TTC6: variants seen among roughly 807,000 people sequenced by gnomAD.
TTC6 encodes the protein tetratricopeptide repeat domain 6.
TTC6 carries 172 observed loss-of-function variants against 210.4 expected under a neutral mutation model. The observed-to-expected ratio is 0.82, with a 90% CI of 0.72 to 0.93. The LOEUF is 0.93. Ranked by LOEUF, TTC6 falls within the 40% of genes least tolerant of loss-of-function variation. The pLI is 0.00. For missense variants in TTC6, 2,414 were observed against 2,318.1 expected, an observed-to-expected ratio of 1.04 and a Z score of -0.85; for synonymous variants, 804 against 819.6, an observed-to-expected ratio of 0.98 and a Z score of 0.32.
Position 37,648,098 on chromosome 14 carries a change from C to A in TTC6, c.939+25095C>A, listed in dbSNP as rs529649269. Among the ~76,000 whole-genome samples the A allele has an allele frequency of 2.0e-4, 31 of 152,160 alleles. No homozygotes were observed. The South Asian group carries it at 6.4e-3, about 32-fold the overall frequency. On this transcript the variant is annotated intron_variant, in intron 1 of 30. Coordinates refer to ENST00000553443, the Ensembl canonical transcript of TTC6. ...GGGATGCATTTTCTATTTGCATTTTCAAATTGTTTATTACCATATTGGTTT... is the reference window on the plus strand; with the variant it reads ...GGGATGCATTTTCTATTTGCATTTTAAAATTGTTTATTACCATATTGGTTT...
At chr14:37,805,794 A>G (rs2096117279) in intron 21 of TTC6, among the ~76,000 whole-genome samples, 2 of 151,992 alleles carry the variant, frequency 1.3e-5, no homozygotes, top group African/African-American at 2.4e-5. Context: ...TCTGCCTCCC[A>G]GTTTCAAGCG....
intron 1 of TTC6, among the ~76,000 whole-genome samples, chr14:37,646,294 C>G (rs971630943): frequency 6.6e-6 from 1 of 152,140 alleles, no homozygotes; most frequent in African/African-American, 2.4e-5. Context: ...AAATAAATCT[C>G]TGTTGTGACA....
At chr14:37,769,804 C>G (rs1410138540) in intron 14 of TTC6, among the ~76,000 whole-genome samples, 1 of 152,020 alleles carries the variant, frequency 6.6e-6, no homozygotes, top group African/African-American at 2.4e-5. Flanking sequence ...CTATTTCCTT[C>G]AGTTCTGCTC....
intron 13 of TTC6, among the ~76,000 whole-genome samples, chr14:37,752,165 A>G (rs757543083): frequency 6.6e-6 from 1 of 151,998 alleles, no homozygotes; most frequent in Non-Finnish European, 1.5e-5. Context: ...AAGGCAAAAT[A>G]TTCCCCTGAT....
upstream of TTC6, among the ~76,000 whole-genome samples, chr14:37,620,128 G>A (rs2095648941): frequency 1.3e-5 from 2 of 152,014 alleles, no homozygotes; most frequent in Non-Finnish European, 2.9e-5. Context: ...TTTTAAATAA[G>A]GACAGGGGCT....
intron 16 of TTC6, among the ~76,000 whole-genome samples, chr14:37,791,202 C>A (rs2096078377): frequency 1.3e-5 from 2 of 152,026 alleles, no homozygotes; most frequent in African/African-American, 2.4e-5. Flanking sequence ...AAAAAACATT[C>A]TGCTTGGTGT....
intron 15 of TTC6, among the ~76,000 whole-genome samples, chr14:37,788,156 G>T (rs777946074): frequency 1.3e-5 from 2 of 152,070 alleles, no homozygotes; most frequent in Non-Finnish European, 2.9e-5. Flanking sequence ...TAGTAGCTAA[G>T]GACACCAACA....
At chr14:37,626,115 A>T (rs1021070164) in intron 1 of TTC6, among the ~76,000 whole-genome samples, 17 of 152,238 alleles carry the variant, frequency 1.1e-4, no homozygotes, top group African/African-American at 3.9e-4. Flanking sequence ...GGGCAAAATT[A>T]TGCCACCCTC....
At chr14:37,707,516 T>C (rs1477818237) in intron 5 of TTC6, among the ~76,000 whole-genome samples, 1 of 152,062 alleles carries the variant, frequency 6.6e-6, no homozygotes, top group Non-Finnish European at 1.5e-5. Flanking sequence ...TCCTTCTAAT[T>C]TTCATTGTGA....
At chr14:37,801,649 A>G (rs2096106865) in intron 20 of TTC6, among the ~76,000 whole-genome samples, 1 of 152,124 alleles carries the variant, frequency 6.6e-6, no homozygotes, top group Non-Finnish European at 1.5e-5. Flanking sequence ...GTGGTGAGGA[A>G]CTGTGGGCAG....
chr14:37,806,628 CTTAACT>C (rs2096119139), intron 22 of TTC6, 118 bp downstream of exon 24: 1 of 989,238 alleles, frequency 1.0e-6, no homozygotes, highest in South Asian at 2.3e-5. Flanking sequence ...CTACTTTTCA[CTTAACT>C]TTATTTTCAT....
intron 5 of TTC6, among the ~76,000 whole-genome samples, chr14:37,705,805 T>C (rs1222213808): frequency 6.6e-6 from 1 of 152,112 alleles, no homozygotes; most frequent in Non-Finnish European, 1.5e-5. Flanking sequence ...CCTGATTATT[T>C]GGGGAGGTTT....
intron 1 of TTC6, among the ~76,000 whole-genome samples, chr14:37,639,200 C>T (rs2095686758): frequency 6.6e-6 from 1 of 152,114 alleles, no homozygotes; most frequent in Non-Finnish European, 1.5e-5. Flanking sequence ...TTCATCTTTT[C>T]CTATCTTAGG....
chr14:37,694,532 T>TA (rs1364907228), intron 3 of TTC6, among the ~76,000 whole-genome samples: 3 of 152,008 alleles, frequency 2.0e-5, no homozygotes, highest in Non-Finnish European at 2.9e-5. Context: ...CTCAAAAAAC[T>TA]AAAAATAGAA....
intron 3 of TTC6, among the ~76,000 whole-genome samples, chr14:37,684,327 C>T (rs2095789938): frequency 6.6e-6 from 1 of 152,122 alleles, no homozygotes; most frequent in Non-Finnish European, 1.5e-5. Flanking sequence ...ATTGATCTTC[C>T]ATGAATAACA....
Position 37,795,362 on chromosome 14 carries a change from T to C in TTC6, c.3791+10T>C, listed in dbSNP as rs1293153357. On this transcript the variant is annotated intron_variant, in intron 18 of 30. Transcript: ENST00000553443. Reference sequence around the variant, plus strand: ...AATTATACATAAGAAGGTATGAGCATAGAAACTGAATTCTTCTTGGGATAA... The same window carrying C: ...AATTATACATAAGAAGGTATGAGCACAGAAACTGAATTCTTCTTGGGATAA... 6.0e-6 allele frequency: 9 copies of C among 1,496,782 alleles called. No homozygotes were observed. The highest frequency in any genetic ancestry group is 8.0e-6 in the Non-Finnish European group (9 of 1,121,166). 92.7% of individuals were successfully genotyped at this position (1,496,782 alleles called of 1,614,324 possible).
chr14:37,713,479 C>T (rs2095847818), intron 5 of TTC6, among the ~76,000 whole-genome samples: 1 of 152,148 alleles, frequency 6.6e-6, no homozygotes. Flanking sequence ...CTCAAGTGAT[C>T]TGCCTGCCTC....
upstream of TTC6, among the ~76,000 whole-genome samples, chr14:37,620,177 A>G (rs910404977): frequency 3.9e-5 from 6 of 152,134 alleles, no homozygotes; most frequent in Admixed American, 3.3e-4. Flanking sequence ...TTTTGATAGG[A>G]CCATTTTGGT....
intron 1 of TTC6, 97 bp from the exon 4 acceptor site, chr14:37,680,054 A>C (rs2095779750): frequency 1.5e-6 from 1 of 670,866 alleles, no homozygotes; most frequent in Non-Finnish European, 2.5e-6. Flanking sequence ...TCTATTTTTC[A>C]TTTACTACAC....
Sources: gnomAD v4.1 joint callset for allele counts (sites outside exome capture counted in the v4.1 genomes callset) on GRCh38, gnomAD v4.1.1 for gene constraint, MANE v1.5 for transcripts, NCBI Gene and HGNC (gene_info 2026-07-23, HGNC 2026-07-21) for gene names.